NAALADL2: variants seen among roughly 807,000 people sequenced by gnomAD.
The protein encoded by NAALADL2 is N-acetylated alpha-linked acidic dipeptidase like 2, also known as inactive N-acetylated-alpha-linked acidic dipeptidase-like protein 2.
Under a neutral mutation model 87.2 loss-of-function variants are expected in NAALADL2, and 76 were observed. The ratio of observed to expected loss-of-function variants is 0.87; its 90% CI spans 0.72 to 1.05. The LOEUF (loss-of-function observed/expected upper bound fraction) is 1.05, where lower values mean the gene tolerates loss of function less well. Ranked by LOEUF, NAALADL2 falls within the 50% of genes least tolerant of loss-of-function variation. The pLI, the probability that NAALADL2 is intolerant of heterozygous loss-of-function variation, is 0.00. For missense variants in NAALADL2, 1,089 were observed against 945.8 expected (o/e 1.15, Z -1.99); for synonymous variants, 354 against 331.0 (o/e 1.07, Z -0.75).
chr3:174,989,024 A>G (rs1746357430), intron 1 of NAALADL2, among the ~76,000 whole-genome samples: 3 of 152,172 alleles, frequency 2.0e-5, no homozygotes, highest in African/African-American at 7.2e-5. Flanking sequence ...AGAGGAACTG[A>G]TGTGTACAGA....
At chr3:175,531,902 C>G (rs1242583890) in intron 9 of NAALADL2, among the ~76,000 whole-genome samples, 3 of 152,238 alleles carry the variant, frequency 2.0e-5, no homozygotes, top group Non-Finnish European at 4.4e-5. Flanking sequence ...ACCCCTGCAT[C>G]TTTCACGTCC....
At chr3:175,788,680 A>G (rs541700938) in intron 13 of NAALADL2, among the ~76,000 whole-genome samples, 2 of 152,316 alleles carry the variant, frequency 1.3e-5, no homozygotes, top group East Asian at 3.9e-4. Context: ...TAAGTAATAT[A>G]TGACTGTAGT....
Position 175,656,054 on chromosome 3 carries a change from G to A in NAALADL2, c.1896+28668G>A, listed in dbSNP as rs538169256. Among the ~76,000 whole-genome samples the A allele has an allele frequency of 1.1e-4, 17 of 152,222 alleles. No homozygotes were observed. The South Asian group carries it at 1.2e-3, about 11-fold the overall frequency. ...GCTTATCTAATGTCCTTTGGCTAAC[G>A]TCTCAAAGCTGGTTAATACTATAGC... On this transcript the variant is annotated intron_variant, in intron 11 of 13. Transcript: ENST00000454872.
At chr3:175,740,329 G>A (rs989985807) in intron 12 of NAALADL2, among the ~76,000 whole-genome samples, 7 of 152,128 alleles carry the variant, frequency 4.6e-5, no homozygotes, top group East Asian at 1.9e-4. Context: ...AGCAAAAGCC[G>A]GATTAGAAGG....
chr3:174,564,587 A>G (rs1714012638), intron 2 of NAALADL2, among the ~76,000 whole-genome samples: 1 of 152,128 alleles, frequency 6.6e-6, no homozygotes, highest in Non-Finnish European at 1.5e-5. Context: ...ATAGTATTTC[A>G]AAGTGGTGTG....
intron 1 of NAALADL2, among the ~76,000 whole-genome samples, chr3:174,946,629 T>C (rs1193339813): frequency 1.3e-5 from 2 of 152,198 alleles, no homozygotes; most frequent in African/African-American, 4.8e-5. Context: ...ATTTTTGTGA[T>C]TCTGTTTTCA....
intron 2 of NAALADL2, among the ~76,000 whole-genome samples, chr3:174,668,329 A>T (rs1726172515): frequency 1.3e-5 from 2 of 151,988 alleles, no homozygotes; most frequent in African/African-American, 4.8e-5. Flanking sequence ...TCCCTTGATT[A>T]TGTCCTTCAA....
chr3:174,889,037 C>A (rs761682550), intron 1 of NAALADL2, among the ~76,000 whole-genome samples: 1 of 152,140 alleles, frequency 6.6e-6, no homozygotes, highest in African/African-American at 2.4e-5. Context: ...CTTGCAAGGG[C>A]CCTACATAAC....
chr3:175,457,323 A>G (rs1304209044), intron 6 of NAALADL2, among the ~76,000 whole-genome samples: 1 of 152,010 alleles, frequency 6.6e-6, no homozygotes, highest in South Asian at 2.1e-4. Context: ...GCTACTACCT[A>G]TGATCACTTG....
At chr3:175,206,294 GTGTA>G (rs1449344953) in intron 2 of NAALADL2, among the ~76,000 whole-genome samples, 11 of 97,060 alleles carry the variant, frequency 1.1e-4, no homozygotes, top group African/African-American at 5.1e-4. Flanking sequence ...GTGTATGTAT[GTGTA>G]TATATATATA....
At chr3:174,738,043 G>A (rs1733384410) in intron 3 of NAALADL2, among the ~76,000 whole-genome samples, 1 of 152,000 alleles carries the variant, frequency 6.6e-6, no homozygotes, top group South Asian at 2.1e-4. Context: ...GTCTATAATT[G>A]TAAATGTTAT....
intron 3 of NAALADL2, among the ~76,000 whole-genome samples, chr3:174,750,400 ATTCTTCTTC>A (rs147238623): frequency 1.3e-5 from 2 of 151,292 alleles, no homozygotes; most frequent in Non-Finnish European, 2.9e-5. Context: ...TTTCATTTCC[ATTCTTCTTC>A]TTCTTCTTCT....
intron 13 of NAALADL2, among the ~76,000 whole-genome samples, chr3:175,791,767 T>C (rs988665107): frequency 1.3e-5 from 2 of 151,732 alleles, no homozygotes; most frequent in Non-Finnish European, 2.9e-5. Context: ...AAAATATATA[T>C]ACAGTATATT....
intron 11 of NAALADL2, among the ~76,000 whole-genome samples, chr3:175,731,489 C>T (rs980168759): frequency 6.6e-6 from 1 of 152,128 alleles, no homozygotes; most frequent in Admixed American, 6.5e-5. Flanking sequence ...ATGAGATATA[C>T]AGGTATAAAG....
Position 175,467,202 on chromosome 3 carries a change from T to C in NAALADL2, c.1533+18T>C. On this transcript the variant is annotated intron_variant, in intron 8 of 13. Coordinates refer to ENST00000454872, the MANE Select transcript of NAALADL2 (RefSeq NM_207015.3). ...GGGGAGAGGTAAAGCAAAATATACATTAATTACAGTGCTTTTCTTTTCTTA... is the reference window on the plus strand; with the variant it reads ...GGGGAGAGGTAAAGCAAAATATACACTAATTACAGTGCTTTTCTTTTCTTA... 1 of 1,588,318 alleles carries C rather than the reference T, an allele frequency of 6.3e-7. No homozygotes were observed. Among genetic ancestry groups the C allele is most frequent in the South Asian group, 1.1e-5 (1 of 90,146 alleles).
At chr3:174,698,298 ACT>A (rs72401166) in intron 2 of NAALADL2, among the ~76,000 whole-genome samples, 33,521 of 151,578 alleles carry the variant, frequency 0.22, 5,460 homozygotes, top group East Asian at 0.49. Context: ...TTGGTGGTAA[ACT>A]CTCATAGATT....
rs1030607094 is a variant in NAALADL2, at chr3:175,478,891, T to G, written c.1653+7133T>G. On this transcript the variant is annotated intron_variant, in intron 9 of 13. Coordinates refer to ENST00000454872, the MANE Select transcript of NAALADL2 (RefSeq NM_207015.3). Reference sequence around the variant, plus strand: ...TAAATTGTTGCTCTATTTCCCCCCTTAAACACTGATCAAGTCTTACATGTT... The same window carrying G: ...TAAATTGTTGCTCTATTTCCCCCCTGAAACACTGATCAAGTCTTACATGTT... 2.6e-4 allele frequency among the ~76,000 whole-genome samples: 40 copies of G among 152,000 alleles called. 3 individuals carry two copies. Among genetic ancestry groups the G allele is most frequent in the Admixed American group, 1.2e-3 (18 of 15,228 alleles).
At chr3:175,285,964 C>T (rs1202160667) in intron 4 of NAALADL2, among the ~76,000 whole-genome samples, 5 of 151,982 alleles carry the variant, frequency 3.3e-5, no homozygotes, top group South Asian at 2.1e-4. Context: ...TTTAAAAGTG[C>T]ACATTTTATT....
chr3:175,062,556 A>G, intron 1 of NAALADL2, among the ~76,000 whole-genome samples: 1 of 151,124 alleles, frequency 6.6e-6, no homozygotes, highest in Non-Finnish European at 1.5e-5. Flanking sequence ...TGAAATGCCC[A>G]GCTATTTCTT....
Sources: gnomAD v4.1 joint callset for allele counts (sites outside exome capture counted in the v4.1 genomes callset) on GRCh38, gnomAD v4.1.1 for gene constraint, MANE v1.5 for transcripts, NCBI Gene and HGNC (gene_info 2026-07-23, HGNC 2026-07-21) for gene names.